INTS9: variants seen among roughly 807,000 people sequenced by gnomAD.
INTS9 encodes the protein protein related to CPSF subunits of 74 kDa.
INTS9 carries 55 observed loss-of-function variants against 79.7 expected under a neutral mutation model. The ratio of observed to expected loss-of-function variants is 0.69; its 90% CI spans 0.56 to 0.86. The LOEUF is 0.86. INTS9 is among the 40% of genes least tolerant of loss of function. The probability of loss-of-function intolerance (pLI) is 0.00; values close to 1 mark genes in which losing one functional copy is unlikely to be tolerated. For synonymous variants in INTS9, 319 were observed against 325.2 expected (o/e 0.98, Z 0.20); for missense variants, 721 against 831.5 (o/e 0.87, Z 1.64).
In INTS9 at chr8:28,796,112, C is replaced by T. The variant is rs149013266; in HGVS notation, c.856+432G>A. Among the ~76,000 whole-genome samples the T allele has an allele frequency of 8.7e-3, 1,328 of 152,290 alleles. 24 individuals are homozygous for T. The highest frequency in any genetic ancestry group is 0.031 in the African/African-American group (1,276 of 41,564). ...ATTGCCTGAGGTCAGGAGTTCCAGA[C>T]CAGCCTGGCCAACATGGTGAAACCA... On this transcript the variant is annotated intron_variant, in intron 9 of 16. Coordinates refer to ENST00000521022, the MANE Select transcript of INTS9 (RefSeq NM_018250.4).
intron 1 of INTS9, among the ~76,000 whole-genome samples, chr8:28,883,292 C>T (rs1013714083): frequency 1.3e-5 from 2 of 152,194 alleles, no homozygotes; most frequent in African/African-American, 2.4e-5. Context: ...TCTTATGGCA[C>T]CATATTTTTA....
intron 1 of INTS9, among the ~76,000 whole-genome samples, chr8:28,874,959 GGCAAGGAGGA>G (rs1317782401): frequency 1.3e-5 from 2 of 152,188 alleles, no homozygotes; most frequent in African/African-American, 4.8e-5. Flanking sequence ...CATTACATAA[GGCAAGGAGGA>G]GCAAGTCACA....
chr8:28,823,360 C>T (rs1585416925), intron 6 of INTS9, among the ~76,000 whole-genome samples: 1 of 151,732 alleles, frequency 6.6e-6, no homozygotes, highest in African/African-American at 2.4e-5. Context: ...GAATGGAGTT[C>T]GAGAAAAACC....
At position 28,793,993 on chromosome 8, in the gene INTS9, A is replaced by C. The variant is rs1293579513; in HGVS notation, c.857-6T>G. 1.9e-6 allele frequency: 3 copies of C among 1,549,010 alleles called. No homozygotes were observed. The East Asian group carries it at 6.9e-5, about 35-fold the overall frequency. On this transcript the variant is annotated splice_region_variant and splice_polypyrimidine_tract_variant and intron_variant, in intron 9 of 16. Transcript: ENST00000521022. ...TCCATTCCGGACTGTCAGAGCTAGA[A>C]AAGTGGATGCCAGAGGAGAAAAAAC... is the stretch of plus-strand genomic sequence containing the variant.
At chr8:28,781,411 G>A (rs534183240) in intron 11 of INTS9, among the ~76,000 whole-genome samples, 1 of 152,318 alleles carries the variant, frequency 6.6e-6, no homozygotes, top group Non-Finnish European at 1.5e-5. Flanking sequence ...GGATATGGAA[G>A]AACAAGGACT....
At chr8:28,828,636 C>G (rs1224877553) in intron 6 of INTS9, among the ~76,000 whole-genome samples, 1 of 152,126 alleles carries the variant, frequency 6.6e-6, no homozygotes, top group Admixed American at 6.5e-5. Context: ...TTGATAAATT[C>G]CTGTATGCAT....
At chr8:28,777,982 C>A in intron 12 of INTS9, 29 bp from the exon 13 acceptor site, 1 of 1,589,924 alleles carries the variant, frequency 6.3e-7, no homozygotes, top group South Asian at 1.1e-5. Flanking sequence ...AGAAATCTTA[C>A]AATGCAGACT....
chr8:28,813,593 TGA>T lies in INTS9; in HGVS notation c.506_507del (p.Leu169GlnfsTer23). On this transcript the variant is annotated frameshift_variant, in exon 7 of 17. Transcript: ENST00000521022. LOFTEE classifies it high-confidence loss of function. ...CAGGTTGAGACTTCCACTGCATCCTTGAGAGGAGAAGGTAACAGCCTGCAAAT... is the reference window on the plus strand; with the variant it reads ...CAGGTTGAGACTTCCACTGCATCCTTGAGGAGAAGGTAACAGCCTGCAAAT... Reference protein sequence around the residue: ...KDIQRLLPSPLKDAVEVSTWR... With the variant: ...KDIQRLLPSPXKDAVEVSTWR... 1 of 1,613,706 alleles carries T rather than the reference TGA, an allele frequency of 6.2e-7. No individual in the cohort carries two copies. The highest frequency in any genetic ancestry group is 8.5e-7 in the Non-Finnish European group (1 of 1,179,728).
At chr8:28,845,562 A>C (rs1229145069) in intron 4 of INTS9, among the ~76,000 whole-genome samples, 1 of 152,230 alleles carries the variant, frequency 6.6e-6, no homozygotes, top group African/African-American at 2.4e-5. Context: ...AGCAATTCAT[A>C]AATTCTACAG....
At chr8:28,881,119 G>A (rs1208452243) in intron 1 of INTS9, among the ~76,000 whole-genome samples, 1 of 150,262 alleles carries the variant, frequency 6.7e-6, no homozygotes, top group Non-Finnish European at 1.5e-5. Context: ...CGTCCGGGAG[G>A]GAGGTGGGGG....
intron 6 of INTS9, 82 bp from the exon 7 acceptor site, chr8:28,813,694 T>TG: frequency 6.8e-7 from 1 of 1,464,524 alleles, no homozygotes; most frequent in Non-Finnish European, 9.4e-7. Context: ...TTTGTCCATT[T>TG]GATCCAAATG....
At chr8:28,881,278 G>T (rs1809770973) in intron 1 of INTS9, among the ~76,000 whole-genome samples, 1 of 149,880 alleles carries the variant, frequency 6.7e-6, no homozygotes, top group African/African-American at 2.5e-5. Context: ...CGCCCGGCCA[G>T]CCGCCCAGTC....
chr8:28,791,724 C>T (rs1803930581), intron 10 of INTS9, among the ~76,000 whole-genome samples: 1 of 152,194 alleles, frequency 6.6e-6, no homozygotes, highest in African/African-American at 2.4e-5. Flanking sequence ...TCCTCAAGGT[C>T]AGGGACCTCT....
At chr8:28,876,569 T>C (rs35099409) in intron 1 of INTS9, among the ~76,000 whole-genome samples, 4,080 of 152,238 alleles carry the variant, frequency 0.027, 85 homozygotes, top group Non-Finnish European at 0.044. Context: ...AGTCACCTGA[T>C]AAGTTTAAAA....
chr8:28,806,066 C>CA (rs913487376), intron 8 of INTS9, among the ~76,000 whole-genome samples: 81 of 115,458 alleles, frequency 7.0e-4, no homozygotes, highest in African/African-American at 2.0e-3. Flanking sequence ...CCTGTCTCTA[C>CA]AAAAAAAACA....
chr8:28,779,920 G>A (rs1236485150), intron 12 of INTS9, among the ~76,000 whole-genome samples: 1 of 152,164 alleles, frequency 6.6e-6, no homozygotes, highest in Non-Finnish European at 1.5e-5. Flanking sequence ...GCCGCCATGT[G>A]CCGGGTTCTG....
chr8:28,881,209 G>T (rs1461084495), intron 1 of INTS9, among the ~76,000 whole-genome samples: 5 of 148,386 alleles, frequency 3.4e-5, no homozygotes, highest in African/African-American at 1.2e-4. Flanking sequence ...TGGGAAGTGA[G>T]GAGCCCCTCT....
chr8:28,877,990 A>G (rs985334545), intron 1 of INTS9, among the ~76,000 whole-genome samples: 1 of 152,232 alleles, frequency 6.6e-6, no homozygotes, highest in South Asian at 2.1e-4. Flanking sequence ...AGAAAAAAGT[A>G]TCTTGAAACC....
chr8:28,845,392 C>T (rs1426463829), intron 4 of INTS9, among the ~76,000 whole-genome samples: 1 of 152,180 alleles, frequency 6.6e-6, no homozygotes, highest in South Asian at 2.1e-4. Flanking sequence ...GTGACTATTA[C>T]TAATTTGTGC....
Sources: allele counts gnomAD v4.1 joint callset (sites outside exome capture counted in the v4.1 genomes callset), GRCh38; gene constraint gnomAD v4.1.1; transcripts MANE v1.5; gene names NCBI Gene and HGNC (gene_info 2026-07-23, HGNC 2026-07-21).